INTS4: variants seen among roughly 807,000 people sequenced by gnomAD.
INTS4 encodes integrator complex subunit 4, also known as MSTP093.
A neutral mutation model predicts 119.5 loss-of-function variants in INTS4; 70 were observed. That is an observed-to-expected ratio of 0.59 (90% CI 0.48 to 0.71). The LOEUF (loss-of-function observed/expected upper bound fraction) is 0.71, where lower values mean the gene tolerates loss of function less well. Ranked by LOEUF, INTS4 falls within the 30% of genes least tolerant of loss-of-function variation. The pLI is 0.00. For synonymous variants in INTS4, 316 were observed against 419.6 expected, an observed-to-expected ratio of 0.75 and a Z score of 3.02; for missense variants, 867 against 1,173.2, an observed-to-expected ratio of 0.74 and a Z score of 3.81.
chr11:77,924,044 C>T (rs1207059109), intron 12 of INTS4, among the ~76,000 whole-genome samples: 2 of 149,036 alleles, frequency 1.3e-5, no homozygotes, highest in South Asian at 2.2e-4. Flanking sequence ...GGATTATAGG[C>T]GTGAGCCACT....
intron 4 of INTS4, among the ~76,000 whole-genome samples, chr11:77,966,234 T>A (rs1341384776): frequency 1.3e-5 from 2 of 152,218 alleles, no homozygotes; most frequent in African/African-American, 4.8e-5. Context: ...CACATTTTGT[T>A]TTTTTACCTC....
intron 2 of INTS4, among the ~76,000 whole-genome samples, chr11:77,989,052 T>C (rs989519818): frequency 6.6e-6 from 1 of 152,126 alleles, no homozygotes; most frequent in Non-Finnish European, 1.5e-5. Context: ...TTCATTAGGG[T>C]TAGGTGGCTA....
At chr11:77,972,508 C>T (rs1855773000) in intron 4 of INTS4, among the ~76,000 whole-genome samples, 1 of 152,028 alleles carries the variant, frequency 6.6e-6, no homozygotes, top group Non-Finnish European at 1.5e-5. Flanking sequence ...CCTCCGCCTC[C>T]CAGGTTCAAG....
chr11:77,981,715 T>G, intron 2 of INTS4, 139 bp from the exon 3 acceptor site: 1 of 397,720 alleles, frequency 2.5e-6, no homozygotes, highest in Admixed American at 4.0e-5. Flanking sequence ...ATTAATTTTA[T>G]ATACTTCTGG....
At chr11:77,948,443 T>A (rs1954100442) in intron 8 of INTS4, among the ~76,000 whole-genome samples, 1 of 152,002 alleles carries the variant, frequency 6.6e-6, no homozygotes, top group Non-Finnish European at 1.5e-5. Flanking sequence ...GGCCAGGAGT[T>A]TGAGACCAGC....
intron 4 of INTS4, among the ~76,000 whole-genome samples, chr11:77,974,065 T>C (rs563077786): frequency 9.2e-5 from 14 of 152,288 alleles, no homozygotes; most frequent in African/African-American, 3.1e-4. Flanking sequence ...CCTGAGCTTT[T>C]CTTTGTAGGG....
intron 15 of INTS4, among the ~76,000 whole-genome samples, chr11:77,908,248 C>CT (rs1441963439): frequency 6.6e-6 from 1 of 151,312 alleles, no homozygotes; most frequent in Non-Finnish European, 1.5e-5. Context: ...TTTTATTATA[C>CT]TTTAAGTTCT....
intron 2 of INTS4, chr11:77,987,295 T>C (rs1223425800): frequency 6.3e-6 from 1 of 157,828 alleles, no homozygotes; most frequent in Non-Finnish European, 1.4e-5. Context: ...TTCCATTTAC[T>C]AGCTGGGTGA....
At chr11:77,879,660 T>G (rs1951717594) in intron 22 of INTS4, among the ~76,000 whole-genome samples, 1 of 152,198 alleles carries the variant, frequency 6.6e-6, no homozygotes, top group Admixed American at 6.5e-5. Flanking sequence ...AACATCTCAT[T>G]CTTTCATTAC....
At chr11:77,901,180 G>A (rs1952766921) in intron 18 of INTS4, among the ~76,000 whole-genome samples, 1 of 152,212 alleles carries the variant, frequency 6.6e-6, no homozygotes, top group Admixed American at 6.5e-5. Flanking sequence ...TGTGCTATAT[G>A]TAATGGAGAG....
chr11:77,931,584 T>G (rs1344623551), intron 10 of INTS4, among the ~76,000 whole-genome samples: 1 of 152,116 alleles, frequency 6.6e-6, no homozygotes, highest in Admixed American at 6.5e-5. Flanking sequence ...CATGTACCCC[T>G]TAAATATATA....
In INTS4 at chr11:77,980,834, C is replaced by CA. The variant is rs560989056; in HGVS notation, c.364+624dup. Reference sequence around the variant, plus strand: ...TGAAACCCTGTCTCTACTAAAAATACAAAAAAAATCAGCCAGGGCGTGGTG... The same window carrying CA: ...TGAAACCCTGTCTCTACTAAAAATACAAAAAAAAATCAGCCAGGGCGTGGTG... On this transcript the variant is annotated intron_variant, in intron 3 of 22. Transcript: ENST00000534064. Among the ~76,000 whole-genome samples, 21 of 151,532 alleles carry CA rather than the reference C, an allele frequency of 1.4e-4. 1 individual carries two copies. Among genetic ancestry groups the CA allele is most frequent in the East Asian group, 1.4e-3 (7 of 5,132 alleles).
downstream of INTS4, among the ~76,000 whole-genome samples, chr11:77,877,478 T>G (rs887453586): frequency 6.6e-6 from 1 of 152,204 alleles, no homozygotes; most frequent in Non-Finnish European, 1.5e-5. Flanking sequence ...CAACCACTGT[T>G]GAGGTCCAAT....
chr11:77,925,456 T>C (rs1464638743), intron 11 of INTS4, among the ~76,000 whole-genome samples: 1 of 152,216 alleles, frequency 6.6e-6, no homozygotes, highest in Non-Finnish European at 1.5e-5. Flanking sequence ...GCTCAATGCA[T>C]GGTTGCCGCA....
At chr11:77,991,585 C>G (rs1245408465) in intron 1 of INTS4, among the ~76,000 whole-genome samples, 7 of 151,520 alleles carry the variant, frequency 4.6e-5, no homozygotes, top group Admixed American at 4.6e-4. Context: ...GATGGAGTCT[C>G]TCTATGTTGC....
chr11:77,912,164 C>T (rs1358412142), intron 15 of INTS4, among the ~76,000 whole-genome samples: 7 of 152,140 alleles, frequency 4.6e-5, no homozygotes, highest in Middle Eastern at 3.4e-3. Context: ...GAGTTCGAGA[C>T]CAGCCTGGGC....
At chr11:77,982,604 C>G (rs543148243) in intron 2 of INTS4, among the ~76,000 whole-genome samples, 1 of 152,150 alleles carries the variant, frequency 6.6e-6, no homozygotes, top group South Asian at 2.1e-4. Flanking sequence ...TAATGGGCAC[C>G]AAAATTCCTG....
chr11:77,928,566 G>A lies in INTS4; in HGVS notation c.1166-19C>T, dbSNP rs1172971312. On this transcript the variant is annotated intron_variant, in intron 10 of 22. Transcript: ENST00000534064. ...CGAACCTCTAGAAAAAAGAACAAATGAAATTGCACATCAGGCTGGGCACAG... is the reference window on the plus strand; with the variant it reads ...CGAACCTCTAGAAAAAAGAACAAATAAAATTGCACATCAGGCTGGGCACAG... 1 of 1,551,052 alleles carries A rather than the reference G, an allele frequency of 6.4e-7. No individual in the cohort carries two copies. The highest frequency in any genetic ancestry group is 1.4e-5 in the African/African-American group (1 of 73,094).
At chr11:77,982,652 C>T (rs1176999741) in intron 2 of INTS4, among the ~76,000 whole-genome samples, 3 of 152,138 alleles carry the variant, frequency 2.0e-5, no homozygotes, top group Non-Finnish European at 4.4e-5. Flanking sequence ...CAGGAATGCT[C>T]TCTTGTTCAC....
Sources: allele counts gnomAD v4.1 joint callset (sites outside exome capture counted in the v4.1 genomes callset), GRCh38; gene constraint gnomAD v4.1.1; transcripts MANE v1.5; gene names NCBI Gene and HGNC (gene_info 2026-07-23, HGNC 2026-07-21).